DOCK2: variants seen among roughly 807,000 people sequenced by gnomAD.
DOCK2 encodes dedicator of cytokinesis 2.
DOCK2 carries 87 observed loss-of-function variants against 248.9 expected under a neutral mutation model. The observed-to-expected ratio is 0.35, with a 90% CI of 0.29 to 0.42. DOCK2 has a LOEUF of 0.42. Among genes scored for constraint, DOCK2 ranks in the 10% least tolerant of loss-of-function variants. The pLI is 1.00. For missense variants in DOCK2, 1,747 were observed against 2,300.2 expected, an observed-to-expected ratio of 0.76 and a Z score of 4.92; for synonymous variants, 805 against 821.6, an observed-to-expected ratio of 0.98 and a Z score of 0.35.
Position 170,047,627 on chromosome 5 carries a change from G to T in DOCK2, c.4071+13G>T. On this transcript the variant is annotated intron_variant, in intron 40 of 51. Transcript: ENST00000520908. ...CTCCTTCCTGCGGGTGAGTTTGGGG[G>T]TGACTTGGACACCAGGCGAGAGCCC... 1 of 1,612,896 alleles carries T rather than the reference G, an allele frequency of 6.2e-7. No individual in the cohort carries two copies. Among genetic ancestry groups the T allele is most frequent in the Non-Finnish European group, 8.5e-7 (1 of 1,179,154 alleles).
chr5:170,074,655 G>T (rs773089915), intron 46 of DOCK2, among the ~76,000 whole-genome samples: 14 of 152,154 alleles, frequency 9.2e-5, no homozygotes, highest in Admixed American at 6.5e-4. Flanking sequence ...CTTCTTATTT[G>T]CAGTCTGGCT....
intron 26 of DOCK2, among the ~76,000 whole-genome samples, chr5:169,830,418 C>CA (rs1437741664): frequency 6.6e-6 from 1 of 152,158 alleles, no homozygotes; most frequent in Non-Finnish European, 1.5e-5. Context: ...ATATTGAACA[C>CA]AAAGCACACA....
chr5:170,019,717 C>T (rs530666464), intron 33 of DOCK2, among the ~76,000 whole-genome samples: 3 of 152,250 alleles, frequency 2.0e-5, no homozygotes, highest in South Asian at 2.1e-4. Context: ...GTCCATTTCC[C>T]GGGCCTGGTC....
intron 27 of DOCK2, among the ~76,000 whole-genome samples, chr5:169,910,265 G>A (rs1156608758): frequency 1.3e-5 from 2 of 152,246 alleles, no homozygotes; most frequent in East Asian, 1.9e-4. Flanking sequence ...GAGACAAACA[G>A]GACATTGTTC....
chr5:169,779,613 C>A (rs1232620640), intron 25 of DOCK2, among the ~76,000 whole-genome samples: 2 of 152,172 alleles, frequency 1.3e-5, no homozygotes, highest in African/African-American at 2.4e-5. Flanking sequence ...TGGGTTCAGG[C>A]TTTCTGCCCC....
intron 35 of DOCK2, among the ~76,000 whole-genome samples, chr5:170,035,153 G>A (rs566413906): frequency 3.3e-5 from 5 of 152,318 alleles, no homozygotes; most frequent in Admixed American, 3.3e-4. Flanking sequence ...GAGCTCCCAT[G>A]GGCTGGCTGC....
chr5:169,714,708 G>T (rs902972623), intron 19 of DOCK2, among the ~76,000 whole-genome samples: 2 of 152,056 alleles, frequency 1.3e-5, no homozygotes, highest in Non-Finnish European at 2.9e-5. Flanking sequence ...GATGAGCCTG[G>T]GTGTAAATCC....
At chr5:169,785,437 A>G (rs1765934400) in intron 25 of DOCK2, among the ~76,000 whole-genome samples, 1 of 152,212 alleles carries the variant, frequency 6.6e-6, no homozygotes, top group Non-Finnish European at 1.5e-5. Context: ...CTATTAACAC[A>G]TTTTAGAGAT....
intron 26 of DOCK2, among the ~76,000 whole-genome samples, chr5:169,834,829 C>A (rs1156665802): frequency 6.6e-6 from 1 of 152,236 alleles, no homozygotes; most frequent in Non-Finnish European, 1.5e-5. Context: ...AACTAAGGAA[C>A]AATGCTCACA....
At chr5:169,724,539 G>T (rs549820870) in intron 22 of DOCK2, among the ~76,000 whole-genome samples, 1 of 151,922 alleles carries the variant, frequency 6.6e-6, no homozygotes, top group Admixed American at 6.6e-5. Flanking sequence ...CCCGAGAGCC[G>T]AGAAAGCCTG....
At chr5:170,036,377 GA>G in intron 35 of DOCK2, 137 bp from the exon 36 acceptor site, 1 of 853,720 alleles carries the variant, frequency 1.2e-6, no homozygotes, top group Non-Finnish European at 1.8e-6. Flanking sequence ...GGGCATCCAG[GA>G]AAATAAGTTT....
intron 27 of DOCK2, among the ~76,000 whole-genome samples, chr5:169,922,514 A>G (rs1231615494): frequency 6.6e-6 from 1 of 152,214 alleles, no homozygotes; most frequent in African/African-American, 2.4e-5. Flanking sequence ...AGTAAAGTAG[A>G]TCTTGGCCAT....
At chr5:170,017,499 C>T (rs929062856) in intron 32 of DOCK2, among the ~76,000 whole-genome samples, 7 of 152,320 alleles carry the variant, frequency 4.6e-5, no homozygotes, top group African/African-American at 1.7e-4. Flanking sequence ...CTGCTCAGTT[C>T]TGCTCAATAC....
chr5:169,708,081 C>T (rs571844342), intron 14 of DOCK2, 88 bp from the exon 15 acceptor site: 75 of 1,404,330 alleles, frequency 5.3e-5, no homozygotes, highest in Middle Eastern at 1.8e-4. Context: ...GGCCCTAAGG[C>T]TGGTCGTGGC....
intron 25 of DOCK2, among the ~76,000 whole-genome samples, chr5:169,790,483 CA>C (rs569746830): frequency 5.6e-4 from 86 of 152,324 alleles, no homozygotes; most frequent in African/African-American, 1.8e-3. Flanking sequence ...CCAATTATTT[CA>C]ATTTATACCC....
At position 169,718,765 on chromosome 5, in the gene DOCK2, T is replaced by C. The variant is rs35887608; in HGVS notation, c.2241T>C (p.Ile747=). 3,344 of 1,613,748 alleles carry C rather than the reference T, an allele frequency of 2.1e-3. 55 individuals carry two copies. In the African/African-American group the frequency reaches 0.037, roughly 18 times the overall value. Residue 747 remains isoleucine, a synonymous_variant, in exon 22 of 52, where the codon ATT becomes ATC. Transcript: ENST00000520908. ...LKALEYVFKF[I]VRSRTLFSQL... The stretch of plus-strand genomic sequence containing the variant: ...CTTTGGAATATGTGTTCAAGTTCAT[T>C]GTTCGGTCGAGGACATTATTTTCAC...
intron 27 of DOCK2, among the ~76,000 whole-genome samples, chr5:169,940,134 G>A (rs925725121): frequency 8.5e-5 from 13 of 152,262 alleles, no homozygotes; most frequent in East Asian, 1.9e-4. Flanking sequence ...TTGAAGTAGC[G>A]CCTTCTTCCA....
rs180999922 is a variant in DOCK2 at position 169,813,212 on chromosome 5, C to A, written c.2703+10006C>A. Among the ~76,000 whole-genome samples, 5 of 152,268 alleles carry A rather than the reference C, an allele frequency of 3.3e-5. No homozygotes were observed. The East Asian group carries it at 7.7e-4, about 24-fold the overall frequency. ...GCAATTGTTAAATAACCGTTATCATCAAAAATTGTTATAAATCTATAATTA... is the reference window on the plus strand; with the variant it reads ...GCAATTGTTAAATAACCGTTATCATAAAAAATTGTTATAAATCTATAATTA... On this transcript the variant is annotated intron_variant, in intron 26 of 51. Transcript: ENST00000520908.
At chr5:169,906,173 C>T (rs1774264333) in intron 27 of DOCK2, among the ~76,000 whole-genome samples, 2 of 152,158 alleles carry the variant, frequency 1.3e-5, no homozygotes, top group African/African-American at 4.8e-5. Context: ...TACTACATGC[C>T]AGGCATTGTG....
Sources: allele counts gnomAD v4.1 joint callset (sites outside exome capture counted in the v4.1 genomes callset), GRCh38; gene constraint gnomAD v4.1.1; transcripts MANE v1.5; gene names NCBI Gene and HGNC (gene_info 2026-07-23, HGNC 2026-07-21).